The following FREM2 variants were observed in gnomAD, a reference collection of about 807,000 sequenced individuals.
FREM2 encodes FRAS1 related extracellular matrix 2, also known as FRAS1-related extracellular matrix protein 2.
Under a neutral mutation model 219.9 loss-of-function variants are expected in FREM2, and 119 were observed. The observed-to-expected ratio is 0.54, with a 90% CI of 0.47 to 0.63. The LOEUF (loss-of-function observed/expected upper bound fraction) is 0.63. Ranked by LOEUF, FREM2 falls within the 30% of genes least tolerant of loss-of-function variation. The probability of loss-of-function intolerance (pLI) is 0.00; values close to 1 mark genes in which losing one functional copy is unlikely to be tolerated. For synonymous variants in FREM2, 1,562 were observed against 1,522.8 expected, an observed-to-expected ratio of 1.03 and a Z score of -0.60; for missense variants, 4,030 against 3,993.6, an observed-to-expected ratio of 1.01 and a Z score of -0.25.
chr13:38,819,751 A>C (rs1875961823), intron 6 of FREM2, among the ~76,000 whole-genome samples: 2 of 152,166 alleles, frequency 1.3e-5, no homozygotes, highest in Non-Finnish European at 1.5e-5. Flanking sequence ...ATTATGAGCC[A>C]AGTTTTATTA....
At chr13:38,812,916 CAA>C (rs370609021) in intron 6 of FREM2, among the ~76,000 whole-genome samples, 1 of 137,788 alleles carries the variant, frequency 7.3e-6, no homozygotes, top group Non-Finnish European at 1.6e-5. Flanking sequence ...GAAAAACAAG[CAA>C]AAAAAAAAAA....
chr13:38,797,991 G>A (rs928999803), intron 6 of FREM2, among the ~76,000 whole-genome samples: 3 of 151,950 alleles, frequency 2.0e-5, no homozygotes, highest in African/African-American at 7.2e-5. Flanking sequence ...ATTGCTGTGG[G>A]GAGGACTTTC....
chr13:38,882,506 G>C lies in FREM2; in HGVS notation c.*1719G>C, dbSNP rs2137945512. ...ATAGTTGCCTTTCTTCTCTTAGGCAGCTCTGCACTTCATGTTCAGTTTTTT... is the reference window on the plus strand; with the variant it reads ...ATAGTTGCCTTTCTTCTCTTAGGCACCTCTGCACTTCATGTTCAGTTTTTT... On this transcript the variant is annotated 3_prime_UTR_variant, in exon 24 of 24. Transcript: ENST00000280481. The C allele has an allele frequency of 6.6e-6, 1 of 152,272 alleles. No homozygotes were observed. Among genetic ancestry groups the C allele is most frequent in the Admixed American group, 6.5e-5 (1 of 15,286 alleles). 9.4% of individuals were successfully genotyped at this position (152,272 alleles called of 1,614,324 possible).
intron 6 of FREM2, among the ~76,000 whole-genome samples, chr13:38,788,786 G>A (rs770695919): frequency 1.8e-4 from 27 of 152,014 alleles, no homozygotes; most frequent in Non-Finnish European, 3.1e-4. Flanking sequence ...CCCCCATTTA[G>A]AATAATGTAT....
chr13:38,795,359 G>C (rs1369928735), intron 6 of FREM2, among the ~76,000 whole-genome samples: 1 of 149,028 alleles, frequency 6.7e-6, no homozygotes, highest in African/African-American at 2.5e-5. Flanking sequence ...GTTCTTTTCT[G>C]GTAGTGGGTA....
intron 20 of FREM2, among the ~76,000 whole-genome samples, chr13:38,876,767 A>G (rs111311600): frequency 5.3e-5 from 8 of 152,272 alleles, no homozygotes; most frequent in Admixed American, 1.3e-4. Context: ...CCTAATTGCC[A>G]TTATGTATTA....
At chr13:38,728,699 AC>A (rs11346282) in intron 2 of FREM2, among the ~76,000 whole-genome samples, 149,891 of 152,284 alleles carry the variant, frequency 0.98, 73,831 homozygotes, top group East Asian at 1. Flanking sequence ...TGTGTGAACC[AC>A]CCGTACCTGG....
chr13:38,855,589 T>C (rs1449264093), intron 11 of FREM2, among the ~76,000 whole-genome samples: 3 of 152,148 alleles, frequency 2.0e-5, no homozygotes, highest in Non-Finnish European at 4.4e-5. Flanking sequence ...GCAACCTGGA[T>C]GGAACTGGAG....
chr13:38,692,610 A>G (rs1869943636), intron 1 of FREM2, 93 bp downstream of exon 1: 2 of 1,419,594 alleles, frequency 1.4e-6, no homozygotes, highest in African/African-American at 2.8e-5. Flanking sequence ...ATTAGAGTCC[A>G]AGAGAAGGAA....
At chr13:38,758,784 C>A (rs1022463987) in intron 2 of FREM2, among the ~76,000 whole-genome samples, 1 of 152,212 alleles carries the variant, frequency 6.6e-6, no homozygotes, top group African/African-American at 2.4e-5. Flanking sequence ...TCACCATAAT[C>A]ACTAGCATTG....
intron 6 of FREM2, among the ~76,000 whole-genome samples, chr13:38,820,169 G>A (rs1875983960): frequency 6.6e-6 from 1 of 152,238 alleles, no homozygotes; most frequent in Non-Finnish European, 1.5e-5. Context: ...AATTGGACAA[G>A]GAATAGCACT....
intron 2 of FREM2, among the ~76,000 whole-genome samples, chr13:38,759,633 T>C (rs1392389718): frequency 6.6e-6 from 1 of 152,194 alleles, no homozygotes; most frequent in Non-Finnish European, 1.5e-5. Context: ...GATTTATGAC[T>C]TGAGTCATGG....
At chr13:38,863,138 C>G (rs1877824148) in intron 15 of FREM2, among the ~76,000 whole-genome samples, 1 of 152,118 alleles carries the variant, frequency 6.6e-6, no homozygotes, top group African/African-American at 2.4e-5. Context: ...CAACCTCCAC[C>G]TCCCGGGTTC....
intron 2 of FREM2, among the ~76,000 whole-genome samples, chr13:38,698,047 A>G (rs560951565): frequency 1.1e-4 from 16 of 152,302 alleles, no homozygotes; most frequent in Admixed American, 1.0e-3. Context: ...TATAAATAGG[A>G]TCTCCATGTC....
Position 38,689,618 on chromosome 13 carries a change from G to T in FREM2, c.2274G>T (p.Leu758=). The T allele has an allele frequency of 6.2e-7, 1 of 1,613,858 alleles. No individual in the cohort carries two copies. The highest frequency in any genetic ancestry group is 8.5e-7 in the Non-Finnish European group (1 of 1,179,912). The change falls in exon 1 of 24, where the codon CTG becomes CTT. Residue 758 remains leucine (L), a synonymous_variant. Coordinates refer to ENST00000280481, the MANE Select transcript of FREM2 (RefSeq NM_207361.6). Reference sequence around the variant, plus strand: ...ACGAAAATCACCTGCCAGCCCCACTGGGTACCTTGGTCTTGACTGACAACC... The same window carrying T: ...ACGAAAATCACCTGCCAGCCCCACTTGGTACCTTGGTCTTGACTGACAACC... The part of the protein sequence containing the change: ...DTDENHLPAP[L]GTLVLTDNPS...
chr13:38,795,326 A>T (rs1273067167), intron 6 of FREM2, among the ~76,000 whole-genome samples: 3 of 147,606 alleles, frequency 2.0e-5, no homozygotes, highest in East Asian at 4.0e-4. Flanking sequence ...TTTCCAACAT[A>T]TTTTTTTTTT....
chr13:38,881,721 T>C lies in FREM2; in HGVS notation c.*934T>C, dbSNP rs981776948. 1 of 152,582 alleles carries C rather than the reference T, an allele frequency of 6.6e-6. No homozygotes were observed. The highest frequency in any genetic ancestry group is 2.4e-5 in the African/African-American group (1 of 41,432). The allele number at this position is 152,582 out of a possible 1,614,324, so 9.5% of individuals were successfully genotyped here. On this transcript the variant is annotated 3_prime_UTR_variant, in exon 24 of 24. Transcript: ENST00000280481. ...TGATAATAAGAAACATTGTTACAGATGGTGAAGGGAGAAAGTGGTATTTAT... is the reference window on the plus strand; with the variant it reads ...TGATAATAAGAAACATTGTTACAGACGGTGAAGGGAGAAAGTGGTATTTAT...
At chr13:38,826,464 C>G (rs1301291991) in intron 6 of FREM2, among the ~76,000 whole-genome samples, 1 of 152,004 alleles carries the variant, frequency 6.6e-6, no homozygotes, top group Non-Finnish European at 1.5e-5. Context: ...CAAGGATAAC[C>G]GAGGAAGAAG....
intron 1 of FREM2, among the ~76,000 whole-genome samples, chr13:38,692,819 T>G (rs748564662): frequency 1.3e-5 from 2 of 152,220 alleles, no homozygotes; most frequent in African/African-American, 4.8e-5. Context: ...TCTGCTCCAT[T>G]TGCCATACCT....
Sources: allele counts gnomAD v4.1 joint callset (sites outside exome capture counted in the v4.1 genomes callset), GRCh38; gene constraint gnomAD v4.1.1; transcripts MANE v1.5; gene names NCBI Gene and HGNC (gene_info 2026-07-23, HGNC 2026-07-21).